MTMR3: variants seen among roughly 807,000 people sequenced by gnomAD.
MTMR3 encodes the protein phosphatidylinositol-3,5-bisphosphate 3-phosphatase MTMR3.
MTMR3 carries 32 observed loss-of-function variants against 132.4 expected under a neutral mutation model. The observed-to-expected ratio is 0.24, with a 90% confidence interval of 0.18 to 0.32. The LOEUF is 0.32. MTMR3 is among the 10% of genes least tolerant of loss of function. MTMR3 has a pLI of 1.00. For synonymous variants in MTMR3, 556 were observed against 550.3 expected, an observed-to-expected ratio of 1.01 and a Z score of -0.14; for missense variants, 1,216 against 1,489.6, an observed-to-expected ratio of 0.82 and a Z score of 3.02.
intron 7 of MTMR3, chr22:29,996,108 A>C (rs541370855): frequency 3.5e-4 from 53 of 152,360 alleles, no homozygotes; most frequent in African/African-American, 1.0e-3. Context: ...AATCCAGCTT[A>C]GGCAACAGAG....
intron 1 of MTMR3, among the ~76,000 whole-genome samples, chr22:29,932,867 C>G (rs2065672868): frequency 1.3e-5 from 2 of 152,146 alleles, no homozygotes; most frequent in Non-Finnish European, 2.9e-5. Context: ...TATTATTTCT[C>G]CCTTTCTCCA....
chr22:29,897,738 C>T (rs1456501794), intron 1 of MTMR3, among the ~76,000 whole-genome samples: 2 of 152,224 alleles, frequency 1.3e-5, no homozygotes, highest in African/African-American at 2.4e-5. Flanking sequence ...GGGTGAGCCA[C>T]TGTGCCTGGC....
rs2145885885 is a variant in MTMR3, at chr22:29,979,041, T to C, written c.199T>C (p.Ser67Pro). 6.2e-7 allele frequency: 1 copy of C among 1,606,770 alleles called. No homozygotes were observed. The highest frequency in any genetic ancestry group is 1.1e-5 in the South Asian group (1 of 90,904). Reference protein sequence around the residue: ...NYRLHIKFKESLVNVPLQLIE... With the variant: ...NYRLHIKFKEPLVNVPLQLIE... ...CAGACTTCACATCAAGTTCAAGGAG[T>C]CTCTTGTTAATGTAAGTGATTACCA... Residue 67 changes from serine (S) to proline (P), a missense_variant, in exon 5 of 20, where the codon TCT becomes CCT. Coordinates refer to ENST00000401950, the MANE Select transcript of MTMR3 (RefSeq NM_021090.4).
chr22:29,953,817 C>T (rs79083014), intron 1 of MTMR3, among the ~76,000 whole-genome samples: 2 of 152,152 alleles, frequency 1.3e-5, no homozygotes, highest in South Asian at 2.1e-4. Context: ...TTTGTCTGTT[C>T]GTTAGTGCTT....
At chr22:29,977,297 A>AG (rs2066648228) in intron 3 of MTMR3, among the ~76,000 whole-genome samples, 2 of 152,104 alleles carry the variant, frequency 1.3e-5, no homozygotes, top group African/African-American at 4.8e-5. Flanking sequence ...GACTTAAAAA[A>AG]GAAAAGTGCT....
At position 30,022,643 on chromosome 22, in the gene MTMR3, A is replaced by G. The variant is rs2067793919; in HGVS notation, c.3371A>G (p.His1124Arg). 1 of 1,612,756 alleles carries G rather than the reference A, an allele frequency of 6.2e-7. No individual in the cohort carries two copies. Among genetic ancestry groups the G allele is most frequent in the Non-Finnish European group, 8.5e-7 (1 of 1,180,014 alleles). ...TGGCTTCCTGACCACCTGGCCGCCCACTGCTATGCGTGCGACAGTGCCTTC... is the reference window on the plus strand; with the variant it reads ...TGGCTTCCTGACCACCTGGCCGCCCGCTGCTATGCGTGCGACAGTGCCTTC... ...TRWLPDHLAA[H>R]CYACDSAFWL... The change falls in exon 19 of 20, where the codon CAC becomes CGC. Residue 1124 changes from histidine to arginine, a missense_variant. Physicochemically the swap from His to Arg is conservative, Grantham distance 29 (BLOSUM62 0). Transcript: ENST00000401950.
chr22:29,991,399 A>G (rs1175775625), intron 6 of MTMR3, 105 bp from the exon 7 acceptor site: 2 of 1,131,768 alleles, frequency 1.8e-6, no homozygotes, highest in African/African-American at 3.2e-5. Context: ...TCTTGGTTGT[A>G]GTTCCCACTT....
chr22:30,011,250 A>C (rs984916405), intron 12 of MTMR3: 1 of 152,176 alleles, frequency 6.6e-6, no homozygotes, highest in African/African-American at 2.4e-5. Context: ...GGAAAAATCA[A>C]CTCCTTTTTA....
chr22:29,897,274 A>G (rs1160018264), intron 1 of MTMR3, among the ~76,000 whole-genome samples: 2 of 151,774 alleles, frequency 1.3e-5, no homozygotes, highest in Non-Finnish European at 2.9e-5. Flanking sequence ...ACAGGGTTTC[A>G]CCATGTTGGC....
intron 1 of MTMR3, among the ~76,000 whole-genome samples, chr22:29,930,416 A>G (rs2065617952): frequency 6.6e-6 from 1 of 152,176 alleles, no homozygotes; most frequent in Non-Finnish European, 1.5e-5. Flanking sequence ...CATTAATAAT[A>G]TGAACTTGGC....
At chr22:29,965,710 T>C (rs762426675) in intron 2 of MTMR3, among the ~76,000 whole-genome samples, 13 of 151,960 alleles carry the variant, frequency 8.6e-5, no homozygotes, top group Non-Finnish European at 1.9e-4. Context: ...CAAAACAAAT[T>C]AGATTTGACT....
rs977320367 is a variant in MTMR3 at position 29,971,120 on chromosome 22, T to G, written c.3+58T>G. On this transcript the variant is annotated intron_variant, in intron 3 of 19. Coordinates refer to ENST00000401950, the MANE Select transcript of MTMR3 (RefSeq NM_021090.4). ...ACAAAAAACCCTGTGTCCTGACAAT[T>G]AAGTGAACACTAATAAATTCATACT... 23 of 1,531,708 alleles carry G rather than the reference T, an allele frequency of 1.5e-5. 1 individual carries two copies. The Admixed American group carries it at 4.8e-4, about 32-fold the overall frequency. The allele number at this position is 1,531,708 out of a possible 1,614,324, so 94.9% of individuals were successfully genotyped here.
chr22:29,916,228 T>C (rs1349349986), intron 1 of MTMR3, among the ~76,000 whole-genome samples: 3 of 152,212 alleles, frequency 2.0e-5, no homozygotes, highest in African/African-American at 7.2e-5. Context: ...AAGGTCTCTT[T>C]AATCAGTCAG....
At chr22:29,932,641 C>A (rs1291287721) in intron 1 of MTMR3, among the ~76,000 whole-genome samples, 1 of 151,924 alleles carries the variant, frequency 6.6e-6, no homozygotes, top group Non-Finnish European at 1.5e-5. Context: ...GTGGATTTTG[C>A]CATAAGGAAA....
At chr22:30,002,688 A>G in intron 8 of MTMR3, 192 bp from the exon 9 acceptor site, 1 of 507,432 alleles carries the variant, frequency 2.0e-6, no homozygotes, top group Non-Finnish European at 3.6e-6. Context: ...AAACAAAACA[A>G]AACACACTTA....
chr22:29,931,031 A>C (rs1218516206), intron 1 of MTMR3, among the ~76,000 whole-genome samples: 1 of 151,894 alleles, frequency 6.6e-6, no homozygotes, highest in African/African-American at 2.4e-5. Flanking sequence ...AAAAAAAAAA[A>C]ACTTAAAAAT....
intron 2 of MTMR3, among the ~76,000 whole-genome samples, chr22:29,969,144 T>C (rs960725442): frequency 6.6e-6 from 1 of 152,230 alleles, no homozygotes; most frequent in African/African-American, 2.4e-5. Context: ...TGTGATAGGT[T>C]TTCAAACATA....
chr22:29,992,595 A>C (rs1044126225), intron 7 of MTMR3: 5 of 152,208 alleles, frequency 3.3e-5, no homozygotes, highest in African/African-American at 1.2e-4. Context: ...TTAGTGTGTC[A>C]GGTTTCAAAG....
intron 1 of MTMR3, among the ~76,000 whole-genome samples, chr22:29,919,234 A>C (rs903715496): frequency 2.6e-5 from 4 of 152,008 alleles, no homozygotes; most frequent in African/African-American, 7.3e-5. Context: ...AGTTTTCTCT[A>C]GGTCTCATCT....
Sources: gnomAD v4.1 joint callset for allele counts (sites outside exome capture counted in the v4.1 genomes callset) on GRCh38, gnomAD v4.1.1 for gene constraint, MANE v1.5 for transcripts, NCBI Gene and HGNC (gene_info 2026-07-23, HGNC 2026-07-21) for gene names.